The following ZFP64 variants were observed in gnomAD, a reference collection of about 807,000 sequenced individuals.
ZFP64 encodes zinc finger protein 64.
Under a neutral mutation model 51.6 loss-of-function variants are expected in ZFP64, and 14 were observed. The ratio of observed to expected loss-of-function variants is 0.27; its 90% CI spans 0.18 to 0.42. The LOEUF is 0.42. Ranked by LOEUF, ZFP64 falls within the 10% of genes least tolerant of loss-of-function variation. The probability of loss-of-function intolerance (pLI) is 1.00; values close to 1 mark genes in which losing one functional copy is unlikely to be tolerated. For missense variants in ZFP64, 754 were observed against 906.8 expected, an observed-to-expected ratio of 0.83 and a Z score of 2.16; for synonymous variants, 375 against 361.4, an observed-to-expected ratio of 1.04 and a Z score of -0.43.
At chr20:52,084,460 G>T in exon 9 of ZFP64, 2 of 1,242,404 alleles carry the variant, frequency 1.6e-6, no homozygotes, top group Non-Finnish European at 2.2e-6. Flanking sequence ...CCCCAGAAGT[G>T]GTGCCCAAAG....
chr20:52,088,011 A>C (rs1415349883), intron 8 of ZFP64, among the ~76,000 whole-genome samples: 1 of 152,188 alleles, frequency 6.6e-6, no homozygotes, highest in Non-Finnish European at 1.5e-5. Context: ...TAAGATTAAA[A>C]GTTTGTGATT....
At chr20:52,100,273 T>A (rs911052151) in intron 5 of ZFP64, among the ~76,000 whole-genome samples, 1 of 151,498 alleles carries the variant, frequency 6.6e-6, no homozygotes, top group African/African-American at 2.4e-5. Context: ...TGAAACAGAG[T>A]CTCACTCTGT....
intron 2 of ZFP64, among the ~76,000 whole-genome samples, chr20:52,169,429 AC>A (rs764062972): frequency 4.6e-5 from 7 of 151,888 alleles, no homozygotes; most frequent in Non-Finnish European, 1.0e-4. Context: ...TGCACAAGTG[AC>A]CCCCTGTGCT....
intron 6 of ZFP64, chr20:52,097,551 T>G (rs1600698241): frequency 3.1e-5 from 26 of 834,402 alleles, no homozygotes; most frequent in Non-Finnish European, 3.5e-5. Flanking sequence ...GCCTCCCGGG[T>G]TCAAGAGATT....
At chr20:52,170,178 G>T (rs535415232) in intron 2 of ZFP64, among the ~76,000 whole-genome samples, 1 of 152,026 alleles carries the variant, frequency 6.6e-6, no homozygotes, top group Non-Finnish European at 1.5e-5. Flanking sequence ...AGGGCCGGGC[G>T]TGGTGGCTCA....
intron 2 of ZFP64, 145 bp from the exon 3 acceptor site, chr20:52,166,170 T>G (rs896915506): frequency 1.3e-6 from 1 of 767,522 alleles, no homozygotes; most frequent in Non-Finnish European, 2.0e-6. Flanking sequence ...TGTGACCCAG[T>G]TCTAGCTAAT....
chr20:52,086,392 C>T (rs532233599), intron 8 of ZFP64, among the ~76,000 whole-genome samples: 1 of 151,948 alleles, frequency 6.6e-6, no homozygotes, highest in Non-Finnish European at 1.5e-5. Flanking sequence ...TTTTAACTTG[C>T]TTCTTGATTA....
chr20:52,164,099 C>T (rs1052538508), intron 4 of ZFP64, among the ~76,000 whole-genome samples: 2 of 152,064 alleles, frequency 1.3e-5, no homozygotes, highest in Non-Finnish European at 2.9e-5. Context: ...TCGCTTGAGT[C>T]CAGGCATTCG....
chr20:52,129,175 G>T (rs1005562921), intron 5 of ZFP64, among the ~76,000 whole-genome samples: 3 of 151,014 alleles, frequency 2.0e-5, no homozygotes, highest in Non-Finnish European at 4.4e-5. Flanking sequence ...TCCGCCTCCC[G>T]GGTTCACGCC....
chr20:52,168,810 G>A (rs1194629842), intron 2 of ZFP64, among the ~76,000 whole-genome samples: 4 of 152,160 alleles, frequency 2.6e-5, no homozygotes, highest in African/African-American at 7.2e-5. Flanking sequence ...GCTTCATCAT[G>A]CAATATCTTG....
chr20:52,167,057 G>T (rs1192303749), intron 2 of ZFP64, among the ~76,000 whole-genome samples: 1 of 152,126 alleles, frequency 6.6e-6, no homozygotes, highest in Non-Finnish European at 1.5e-5. Context: ...GGGCGCTGTG[G>T]CTCACAGCTG....
chr20:52,098,576 C>T (rs749172491), exon 6 of ZFP64: 8 of 1,614,112 alleles, frequency 5.0e-6, no homozygotes, highest in Non-Finnish European at 6.8e-6. Flanking sequence ...ACATCATCAT[C>T]AAGTTCTGAA....
At chr20:52,154,910 T>G (rs901055231) in intron 5 of ZFP64, among the ~76,000 whole-genome samples, 10 of 152,156 alleles carry the variant, frequency 6.6e-5, no homozygotes, top group African/African-American at 2.4e-4. Context: ...TCTGGCCCTT[T>G]TCAGAAAAAG....
intron 5 of ZFP64, chr20:52,104,879 G>A (rs1359254356): frequency 7.5e-6 from 5 of 669,564 alleles, no homozygotes; most frequent in African/African-American, 5.3e-5. Flanking sequence ...TGTTTGGGAG[G>A]CAAACTCGTT....
intron 5 of ZFP64, among the ~76,000 whole-genome samples, chr20:52,118,026 G>A (rs1978972349): frequency 6.6e-6 from 1 of 152,002 alleles, no homozygotes; most frequent in African/African-American, 2.4e-5. Flanking sequence ...TTGAACTCCA[G>A]GGCTCAAGCA....
In ZFP64 at chr20:52,177,125, G is replaced by A. The variant is rs192997228; in HGVS notation, c.286+9707C>T. On this transcript the variant is annotated intron_variant, in intron 2 of 5. Transcript: ENST00000216923. ...GTGAACTAGACTCTAGTGCCAGTGG[G>A]TTTCCATCCCTTCAACCCCTTCTGG... 2.4e-3 allele frequency among the ~76,000 whole-genome samples: 360 copies of A among 152,080 alleles called. 2 individuals carry two copies. Among genetic ancestry groups the A allele is most frequent in the African/African-American group, 8.2e-3 (341 of 41,484 alleles).
chr20:52,100,988 C>CA (rs1390737602), intron 5 of ZFP64, among the ~76,000 whole-genome samples: 1 of 152,176 alleles, frequency 6.6e-6, no homozygotes, highest in Non-Finnish European at 1.5e-5. Flanking sequence ...CAGTGGCTCT[C>CA]AACTGGGGGC....
At chr20:52,093,481 G>C (rs1001957295) in intron 7 of ZFP64, among the ~76,000 whole-genome samples, 2 of 152,072 alleles carry the variant, frequency 1.3e-5, no homozygotes, top group Non-Finnish European at 2.9e-5. Context: ...AAAATTTCAG[G>C]GGTCTAAGAT....
chr20:52,106,243 C>G lies in ZFP64; in HGVS notation c.764-7656G>C, dbSNP rs1012524330. 2.0e-5 allele frequency among the ~76,000 whole-genome samples: 3 copies of G among 152,240 alleles called. No homozygotes were observed. In the East Asian group the frequency reaches 5.8e-4, roughly 30 times the overall value. On this transcript the variant is annotated intron_variant, in intron 5 of 8. Transcript: ENST00000361387. ...AGACTGGCTGGGACCTCGATGAGAC[C>G]CGAGGGAGACCCCTCCTTGCGCCGC...
Sources: gnomAD v4.1 joint callset for allele counts (sites outside exome capture counted in the v4.1 genomes callset) on GRCh38, gnomAD v4.1.1 for gene constraint, MANE v1.5 for transcripts, NCBI Gene and HGNC (gene_info 2026-07-23, HGNC 2026-07-21) for gene names.